Variants in ANGPT4 observed in about 807,000 individuals in gnomAD.
ANGPT4 encodes the protein angiopoietin 4.
ANGPT4 carries 50 observed loss-of-function variants against 53.0 expected under a neutral mutation model. The observed-to-expected ratio is 0.94, with a 90% confidence interval of 0.75 to 1.20. The LOEUF is 1.20. ANGPT4 is among the 50% of genes most tolerant of loss of function. ANGPT4 has a pLI of 0.00. For missense variants in ANGPT4, 648 were observed against 637.1 expected (o/e 1.02, Z -0.18); for synonymous variants, 251 against 259.7 (o/e 0.97, Z 0.32).
At chr20:873,143 C>T (rs375075180) in intron 8 of ANGPT4, 23 bp from the exon 9 acceptor site, 51 of 1,611,150 alleles carry the variant, frequency 3.2e-5, no homozygotes, top group African/African-American at 2.8e-4. Flanking sequence ...GGAGGACAGG[C>T]GCTTGGTGGA....
chr20:898,383 G>C (rs1194207393), intron 1 of ANGPT4, among the ~76,000 whole-genome samples: 1 of 152,174 alleles, frequency 6.6e-6, no homozygotes, highest in Non-Finnish European at 1.5e-5. Flanking sequence ...CAAGGTTAAT[G>C]CTCCTTTTTC....
At position 896,214 on chromosome 20, in the gene ANGPT4, C is replaced by T. The variant is rs1279281524; in HGVS notation, c.310-5846G>A. Among the ~76,000 whole-genome samples the T allele has an allele frequency of 2.6e-5, 4 of 152,244 alleles. 1 individual carries two copies. Among genetic ancestry groups the T allele is most frequent in the Admixed American group, 6.5e-5 (1 of 15,290 alleles). On this transcript the variant is annotated intron_variant, in intron 1 of 8. Transcript: ENST00000381922. ...ATTTCTTGAGCACCTACTATGTGCTCATCCTGTATTAGGTATTAGATAATC... is the reference window on the plus strand; with the variant it reads ...ATTTCTTGAGCACCTACTATGTGCTTATCCTGTATTAGGTATTAGATAATC...
At chr20:910,194 C>T (rs1982644991) in intron 1 of ANGPT4, among the ~76,000 whole-genome samples, 1 of 152,142 alleles carries the variant, frequency 6.6e-6, no homozygotes, top group East Asian at 1.9e-4. Flanking sequence ...TCTCTTGGTG[C>T]CTCAGTTTCC....
intron 3 of ANGPT4, 96 bp from the exon 4 acceptor site, chr20:885,421 G>A: frequency 2.8e-6 from 4 of 1,425,698 alleles, no homozygotes; most frequent in Non-Finnish European, 3.7e-6. Flanking sequence ...GCAGCCCGAC[G>A]ATGAGACTCA....
In ANGPT4 at chr20:878,188, T is replaced by G. The variant is rs201941980; in HGVS notation, c.1193A>C (p.His398Pro). The G allele has an allele frequency of 1.1e-5, 17 of 1,602,522 alleles. No individual in the cohort carries two copies. The East Asian group carries it at 3.8e-4, about 36-fold the overall frequency. The change falls in exon 7 of 9, where the codon CAC becomes CCC. Residue 398 changes from histidine (H) to proline (P), a missense_variant. Physicochemically the swap from His to Pro is moderately conservative, Grantham distance 77. Coordinates refer to ENST00000381922, the MANE Select transcript of ANGPT4 (RefSeq NM_015985.4). ...HEAYAQYEHFHLGSENQLYRL... is the reference protein window; with the variant it reads ...HEAYAQYEHFPLGSENQLYRL... ...GTATAGCTGGTTCTCACTGCCCAGG[T>G]GGAAATGTTCGTACTGGGCATAGGC... is the stretch of plus-strand genomic sequence containing the variant.
chr20:897,052 C>T (rs1341216413), intron 1 of ANGPT4, among the ~76,000 whole-genome samples: 1 of 152,188 alleles, frequency 6.6e-6, no homozygotes, highest in Non-Finnish European at 1.5e-5. Context: ...CCTTGTGACC[C>T]CTGCCCCTGC....
rs1982819352 is a variant in ANGPT4, at chr20:914,039, A to G, written c.309+1867T>C. Among the ~76,000 whole-genome samples, 1 of 152,156 alleles carries G rather than the reference A, an allele frequency of 6.6e-6. No homozygotes were observed. The highest frequency in any genetic ancestry group is 6.5e-5 in the Admixed American group (1 of 15,282). On this transcript the variant is annotated intron_variant, in intron 1 of 8. Transcript: ENST00000381922. The surrounding 1 kb of genome is among the most constrained non-coding windows in gnomAD (Gnocchi z 5.0). ...CCATCAATGCCAATTTTGTGTCATC[A>G]CGGAGCAGGATGGAGACCTGGGACC...
chr20:889,592 G>A (rs1419624588), intron 2 of ANGPT4, among the ~76,000 whole-genome samples: 2 of 152,186 alleles, frequency 1.3e-5, no homozygotes, highest in Admixed American at 6.5e-5. Flanking sequence ...ATTAAGCAGT[G>A]CATAACCATA....
In ANGPT4 at chr20:916,048, G is replaced by A. The variant is rs1413714306; in HGVS notation, c.167C>T (p.Pro56Leu). The A allele has an allele frequency of 1.2e-6, 2 of 1,614,170 alleles. No homozygotes were observed. The highest frequency in any genetic ancestry group is 2.2e-5 in the East Asian group (1 of 44,870). The part of the protein sequence containing the change: ...TFLLPKSEPC[P>L]PGPEVSRDSN... ...GTCCCTGGAGACCTCAGGCCCCGGA[G>A]GGCAGGGCTCAGACTTGGGCAGCAA... The change falls in exon 1 of 9, where the codon CCT becomes CTT. Residue 56 changes from proline (P) to leucine (L), a missense_variant. Transcript: ENST00000381922.
chr20:894,921 C>T (rs66744649), intron 1 of ANGPT4, among the ~76,000 whole-genome samples: 20,495 of 152,186 alleles, frequency 0.13, 1,473 homozygotes, highest in Middle Eastern at 0.26. Flanking sequence ...TGGTCCCCCA[C>T]TTGTCCTGTG....
rs758960561 is a variant in ANGPT4 at position 885,174 on chromosome 20, T to C, written c.739A>G (p.Asn247Asp). Residue 247 changes from asparagine (N) to aspartate (D), a missense_variant, in exon 4 of 9, where the codon AAC becomes GAC. Coordinates refer to ENST00000381922, the MANE Select transcript of ANGPT4 (RefSeq NM_015985.4). ...IERGLRGVRH[N>D]SSLLQDQQHS... ...TGCTGGTCCTGCAGGAGGCTGGAGT[T>C]GTGCCTGACACCGCGCAGGCCGCGC... The C allele has an allele frequency of 1.2e-6, 2 of 1,608,118 alleles. No homozygotes were observed. The highest frequency in any genetic ancestry group is 4.5e-5 in the East Asian group (2 of 44,664).
rs144887927 is a variant in ANGPT4, at chr20:914,663, C to T, written c.309+1243G>A. On this transcript the variant is annotated intron_variant, in intron 1 of 8. Transcript: ENST00000381922. This position sits in a 1 kb window ranked among gnomAD's most constrained non-coding sequence, Gnocchi z 5.0. ...ACTCCAGGAATTAGTTCGCATCCTT[C>T]ATTCCTCAGTCATCGCCCAGACTGT... 6.6e-5 allele frequency among the ~76,000 whole-genome samples: 10 copies of T among 152,222 alleles called. No homozygotes were observed. The East Asian group carries it at 1.9e-3, about 29-fold the overall frequency.
Position 872,871 on chromosome 20 carries a change from G to C in ANGPT4, c.*89C>G. The C allele has an allele frequency of 6.5e-7, 1 of 1,526,954 alleles. No homozygotes were observed. The allele number at this position is 1,526,954 out of a possible 1,614,324, so 94.6% of individuals were successfully genotyped here. A position where few individuals can be genotyped will look rare whatever the true frequency, so the allele number is the denominator to read the frequency against. On this transcript the variant is annotated 3_prime_UTR_variant, in exon 9 of 9. Transcript: ENST00000381922. Reference sequence around the variant, plus strand: ...GCCCAGGGTGTCAGGGAAGGCGGTGGCACAGTGTCTTGCATCTGGGTCCAG... The same window carrying C: ...GCCCAGGGTGTCAGGGAAGGCGGTGCCACAGTGTCTTGCATCTGGGTCCAG...
At position 916,108 on chromosome 20, in the gene ANGPT4, A is replaced by G; in HGVS notation, c.107T>C (p.Leu36Pro). The part of the protein sequence containing the change: ...RQEADRGCET[L>P]VVQHGHCSYT... ...GCTACAGTGGCCGTGCTGGACTACA[A>G]GTGTCTCGCAGCCCCTATCCGCCTC... Residue 36 changes from leucine to proline, a missense_variant, in exon 1 of 9, where the codon CTT (leucine) becomes CCT (proline). Leu to Pro is a moderately conservative substitution (Grantham distance 98). Transcript: ENST00000381922. 6.2e-7 allele frequency: 1 copy of G among 1,614,154 alleles called. No homozygotes were observed. The highest frequency in any genetic ancestry group is 1.7e-5 in the Admixed American group (1 of 60,024).
chr20:909,774 A>T (rs948489629), intron 1 of ANGPT4, among the ~76,000 whole-genome samples: 1 of 152,228 alleles, frequency 6.6e-6, no homozygotes, highest in African/African-American at 2.4e-5. Context: ...ACTGGGACTC[A>T]GGGCCTACAC....
intron 1 of ANGPT4, among the ~76,000 whole-genome samples, chr20:909,569 A>G (rs577297649): frequency 6.6e-6 from 1 of 152,304 alleles, no homozygotes; most frequent in African/African-American, 2.4e-5. Flanking sequence ...ACGTTTACTG[A>G]GCACTTACTC....
intron 1 of ANGPT4, among the ~76,000 whole-genome samples, chr20:902,427 A>G (rs1158968397): frequency 1.3e-5 from 2 of 152,118 alleles, no homozygotes; most frequent in African/African-American, 4.8e-5. Flanking sequence ...AGGCTATTAC[A>G]GTGGTGATAG....
chr20:902,781 C>T (rs971610400), intron 1 of ANGPT4, among the ~76,000 whole-genome samples: 1 of 152,142 alleles, frequency 6.6e-6, no homozygotes, highest in Non-Finnish European at 1.5e-5. Context: ...GTTAAGACCC[C>T]TGAAGGCCTG....
intron 1 of ANGPT4, among the ~76,000 whole-genome samples, chr20:907,618 C>G (rs929271254): frequency 6.6e-6 from 1 of 152,180 alleles, no homozygotes; most frequent in Admixed American, 6.5e-5. Flanking sequence ...AGCCACCCTC[C>G]AAGGTAGGAC....
Sources: gnomAD v4.1 joint callset for allele counts (sites outside exome capture counted in the v4.1 genomes callset) on GRCh38, gnomAD v4.1.1 for gene constraint, Gnocchi (gnomAD v3.1) non-coding constraint, MANE v1.5 for transcripts, NCBI Gene and HGNC (gene_info 2026-07-23, HGNC 2026-07-21) for gene names.